Variants in PSMD3 observed in about 807,000 individuals in gnomAD.
PSMD3 encodes 26S proteasome non-ATPase regulatory subunit 3.
In PSMD3, 5 loss-of-function variants were observed where a neutral mutation model predicts 62.8. The observed-to-expected ratio is 0.08, with a 90% CI of 0.04 to 0.17. PSMD3 has a LOEUF of 0.17. PSMD3 is among the 10% of genes least tolerant of loss of function. The pLI is 1.00. For synonymous variants in PSMD3, 265 were observed against 283.9 expected (o/e 0.93, Z 0.67); for missense variants, 524 against 713.6 (o/e 0.73, Z 3.03).
chr17:39,986,676 G>A lies in PSMD3; in HGVS notation c.513G>A (p.Val171=), dbSNP rs1980533459. 6.2e-7 allele frequency: 1 copy of A among 1,614,064 alleles called. No homozygotes were observed. The highest frequency in any genetic ancestry group is 8.5e-7 in the Non-Finnish European group (1 of 1,180,006). ...PEVEAYLQLL[V]VIFMMNSKRY... ...TGGAAGCCTATCTCCAACTCCTCGT[G>A]GTCATCTTCATGATGAACAGCAAGC... is the stretch of plus-strand genomic sequence containing the variant. Residue 171 remains valine (V), a synonymous_variant, in exon 3 of 12, where the codon GTG becomes GTA. Transcript: ENST00000264639.
At chr17:39,985,694 C>T (rs1009424323) in intron 2 of PSMD3, among the ~76,000 whole-genome samples, 15 of 152,218 alleles carry the variant, frequency 9.9e-5, no homozygotes, top group African/African-American at 3.4e-4. Flanking sequence ...GTACTGTTCC[C>T]CCAACTCCAC....
In PSMD3 at chr17:39,995,340, G is replaced by A. The variant is rs947276488; in HGVS notation, c.1216+45G>A. ...GGGCTGTTGGAGGAGCAGAAGCCAG[G>A]CCAGGGCAAACCTAGTGGGTATCCT... On this transcript the variant is annotated intron_variant, in intron 8 of 11. Coordinates refer to ENST00000264639, the MANE Select transcript of PSMD3 (RefSeq NM_002809.4). The surrounding 1 kb of genome is among the most constrained non-coding windows in gnomAD (Gnocchi z 4.1). 2.5e-6 allele frequency: 4 copies of A among 1,613,910 alleles called. No homozygotes were observed. The highest frequency in any genetic ancestry group is 1.3e-5 in the African/African-American group (1 of 74,902).
intron 1 of PSMD3, 78 bp from the exon 2 acceptor site, chr17:39,984,216 A>G: frequency 2.3e-6 from 2 of 875,104 alleles, no homozygotes; most frequent in Non-Finnish European, 3.3e-6. Flanking sequence ...AAAAAAAAAA[A>G]AAAAAAGAAC....
Position 39,997,650 on chromosome 17 carries a change from G to A in PSMD3, c.*69G>A. The A allele has an allele frequency of 1.3e-6, 2 of 1,534,748 alleles. No individual in the cohort carries two copies. The highest frequency in any genetic ancestry group is 1.1e-5 in the South Asian group (1 of 87,548). On this transcript the variant is annotated 3_prime_UTR_variant, in exon 12 of 12. Transcript: ENST00000264639. ...TTCCCCCTTGGGGGTCCCCTGCCCA[G>A]GGCACTGTCCCCATTTTCCCACACA...
In PSMD3 at chr17:39,997,773, A is replaced by G. The variant is rs1199104610; in HGVS notation, c.*192A>G. 2.0e-5 allele frequency: 13 copies of G among 657,188 alleles called. No individual in the cohort carries two copies. Among genetic ancestry groups the G allele is most frequent in the Non-Finnish European group, 3.4e-5 (13 of 386,546 alleles). 40.7% of individuals were successfully genotyped at this position (657,188 alleles called of 1,614,324 possible). ...CTCCCCAGCCGGTGACTTACTGTAC[A>G]GCAGGCAGGAGGGTGGGCAGGCAAC... On this transcript the variant is annotated 3_prime_UTR_variant, in exon 12 of 12. Transcript: ENST00000264639.
intron 3 of PSMD3, 139 bp from the exon 4 acceptor site, chr17:39,988,544 G>C (rs545895659): frequency 1.0e-6 from 1 of 998,198 alleles, no homozygotes; most frequent in East Asian, 2.6e-5. Flanking sequence ...GAACATTCGT[G>C]TACATGCTTT....
intron 6 of PSMD3, among the ~76,000 whole-genome samples, chr17:39,991,431 C>T (rs1488976955): frequency 6.6e-6 from 1 of 152,204 alleles, no homozygotes; most frequent in Admixed American, 6.5e-5. Context: ...CCTGGGATTA[C>T]AGGCGTGAGC....
intron 6 of PSMD3, among the ~76,000 whole-genome samples, chr17:39,990,594 C>T (rs1377170897): frequency 6.6e-6 from 1 of 152,170 alleles, no homozygotes; most frequent in Non-Finnish European, 1.5e-5. Flanking sequence ...GCCATGTCTG[C>T]AAAAGGTTGC....
rs922541469 is a variant in PSMD3, at chr17:39,996,062, T to C, written c.1321-121T>C. 8.3e-5 allele frequency: 103 copies of C among 1,236,484 alleles called. No homozygotes were observed. The highest frequency in any genetic ancestry group is 1.2e-4 in the Non-Finnish European group (100 of 865,166). The allele number at this position is 1,236,484 out of a possible 1,614,324, so 76.6% of individuals were successfully genotyped here. On this transcript the variant is annotated intron_variant, in intron 9 of 11. Transcript: ENST00000264639. This position sits in a 1 kb window ranked among gnomAD's most constrained non-coding sequence, Gnocchi z 5.1. ...TGAACCCGGGAGGTAAAGGTTGCAG[T>C]GAGCTGAGATCGCACCACCGCACTC...
intron 6 of PSMD3, among the ~76,000 whole-genome samples, chr17:39,990,495 C>T (rs1275816878): frequency 6.6e-6 from 1 of 152,130 alleles, no homozygotes; most frequent in African/African-American, 2.4e-5. Flanking sequence ...TGGAGACAGG[C>T]ATATCACTGT....
chr17:39,991,702 AAGTC>A (rs1250909481), intron 6 of PSMD3, among the ~76,000 whole-genome samples: 9 of 152,190 alleles, frequency 5.9e-5, no homozygotes, highest in South Asian at 2.1e-4. Context: ...AGTTCAGAGA[AAGTC>A]AGATTTGTTT....
chr17:39,989,937 G>A lies in PSMD3; in HGVS notation c.877+8G>A. On this transcript the variant is annotated splice_region_variant and intron_variant, in intron 5 of 11. Coordinates refer to ENST00000264639, the MANE Select transcript of PSMD3 (RefSeq NM_002809.4). ...GGTACCTCTACTACACAGGTGAGCAGAGGGGCCCAACCCATAAATCAGAAG... is the reference window on the plus strand; with the variant it reads ...GGTACCTCTACTACACAGGTGAGCAAAGGGGCCCAACCCATAAATCAGAAG... The A allele has an allele frequency of 1.9e-6, 3 of 1,608,892 alleles. No homozygotes were observed. The highest frequency in any genetic ancestry group is 2.6e-6 in the Non-Finnish European group (3 of 1,175,814).
chr17:39,982,939 G>A (rs1163274340), intron 1 of PSMD3, among the ~76,000 whole-genome samples: 1 of 152,106 alleles, frequency 6.6e-6, no homozygotes, highest in African/African-American at 2.4e-5. Context: ...AGTTTAAAAG[G>A]CTGAACATTT....
At chr17:39,992,551 C>A (rs1336263701) in intron 6 of PSMD3, among the ~76,000 whole-genome samples, 1 of 152,198 alleles carries the variant, frequency 6.6e-6, no homozygotes, top group African/African-American at 2.4e-5. Context: ...TCATCCTGTT[C>A]AAAGCGGAGG....
At chr17:39,992,024 C>CAAAAAAAAAAACAAAAAAAAAAA (rs59894264) in intron 6 of PSMD3, among the ~76,000 whole-genome samples, 1 of 102,070 alleles carries the variant, frequency 9.8e-6, no homozygotes. Flanking sequence ...GACTCTGTCT[C>CAAAAAAAAAAACAAAAAAAAAAA]AAAAAAAAAC....
rs2144819155 is a variant in PSMD3, at chr17:39,997,857, G to A, written c.*276G>A. On this transcript the variant is annotated 3_prime_UTR_variant, in exon 12 of 12. Transcript: ENST00000264639. ...AGCAGGAGGGGAAGGATAGTTCTGT[G>A]TACTCCTTTAGGGAGTGGGGGACTA... 1 of 533,252 alleles carries A rather than the reference G, an allele frequency of 1.9e-6. No homozygotes were observed. The highest frequency in any genetic ancestry group is 3.4e-6 in the Non-Finnish European group (1 of 293,696). 33.0% of individuals were successfully genotyped at this position (533,252 alleles called of 1,614,324 possible). A position where few individuals can be genotyped will look rare whatever the true frequency, so the allele number is the denominator to read the frequency against.
In PSMD3 at chr17:39,997,705, T is replaced by C; in HGVS notation, c.*124T>C. 2 of 1,140,216 alleles carry C rather than the reference T, an allele frequency of 1.8e-6. No individual in the cohort carries two copies. Among genetic ancestry groups the C allele is most frequent in the South Asian group, 2.8e-5 (2 of 71,086 alleles). The allele number at this position is 1,140,216 out of a possible 1,614,324, so 70.6% of individuals were successfully genotyped here. On this transcript the variant is annotated 3_prime_UTR_variant, in exon 12 of 12. Transcript: ENST00000264639. ...TCATATGCTGCATTCGTGCAGGGGG[T>C]GGGGGTGCTGGGAGCCAGCCACCCT...
At position 39,989,811 on chromosome 17, in the gene PSMD3, C is replaced by G; in HGVS notation, c.759C>G (p.Leu253=). The G allele has an allele frequency of 1.9e-6, 3 of 1,614,216 alleles. No homozygotes were observed. Among genetic ancestry groups the G allele is most frequent in the African/African-American group, 2.7e-5 (2 of 75,056 alleles). The change falls in exon 5 of 12, where the codon CTC becomes CTG. Residue 253 remains leucine, a synonymous_variant. Transcript: ENST00000264639. ...ACGGGCAGGCCACCCTGTTGAACCTCCTGCTGCGGAATTACCTACACTACA... is the reference window on the plus strand; with the variant it reads ...ACGGGCAGGCCACCCTGTTGAACCTGCTGCTGCGGAATTACCTACACTACA... The part of the protein sequence containing the change: ...DADGQATLLN[L]LLRNYLHYSL...
At chr17:39,990,450 A>G (rs1568137976) in intron 6 of PSMD3, among the ~76,000 whole-genome samples, 1 of 152,062 alleles carries the variant, frequency 6.6e-6, no homozygotes, top group East Asian at 1.9e-4. Flanking sequence ...CCTATCCAGA[A>G]GGACTTCAAC....
Sources: gnomAD v4.1 joint callset for allele counts (sites outside exome capture counted in the v4.1 genomes callset) on GRCh38, gnomAD v4.1.1 for gene constraint, Gnocchi (gnomAD v3.1) non-coding constraint, MANE v1.5 for transcripts, NCBI Gene and HGNC (gene_info 2026-07-23, HGNC 2026-07-21) for gene names.